The following PPHLN1 variants were observed in gnomAD, a reference collection of about 807,000 sequenced individuals.
PPHLN1 encodes periphilin 1.
Under a neutral mutation model 51.3 loss-of-function variants are expected in PPHLN1, and 29 were observed. That is an observed-to-expected ratio of 0.57 (90% CI 0.42 to 0.77). The LOEUF (loss-of-function observed/expected upper bound fraction) is 0.77. PPHLN1 is among the 30% of genes least tolerant of loss of function. The probability of loss-of-function intolerance (pLI) is 0.00; values close to 1 mark genes in which losing one functional copy is unlikely to be tolerated. For missense variants in PPHLN1, 436 were observed against 438.4 expected (o/e 0.99, Z 0.05); for synonymous variants, 147 against 147.8 (o/e 0.99, Z 0.04).
intron 8 of PPHLN1, among the ~76,000 whole-genome samples, chr12:42,396,731 A>G (rs1426639393): frequency 6.8e-6 from 1 of 147,968 alleles, no homozygotes; most frequent in Non-Finnish European, 1.5e-5. Context: ...TGAAGTTTGC[A>G]GTGAGCTGTG....
downstream of PPHLN1, chr12:42,446,268 T>C: frequency 1.2e-6 from 2 of 1,602,634 alleles, no homozygotes; most frequent in South Asian, 1.1e-5. Context: ...ATGCTCTCTG[T>C]TGTACATTGC....
intron 9 of PPHLN1, among the ~76,000 whole-genome samples, chr12:42,409,282 T>G (rs1311571546): frequency 6.6e-6 from 1 of 152,122 alleles, no homozygotes; most frequent in Non-Finnish European, 1.5e-5. Context: ...CACTTTTATC[T>G]AGTGATTGTT....
chr12:42,402,266 G>C (rs984072087), intron 9 of PPHLN1, among the ~76,000 whole-genome samples: 8 of 152,034 alleles, frequency 5.3e-5, no homozygotes, highest in African/African-American at 1.9e-4. Context: ...TTTTGTTTCT[G>C]TAAAGACAAT....
chr12:42,379,727 A>G (rs879411555), intron 5 of PPHLN1, among the ~76,000 whole-genome samples: 1 of 152,066 alleles, frequency 6.6e-6, no homozygotes, highest in Non-Finnish European at 1.5e-5. Context: ...AAAAAAAACT[A>G]GAAATACTAC....
At chr12:42,357,245 A>AT (rs3084533) in intron 4 of PPHLN1, among the ~76,000 whole-genome samples, 4 of 151,968 alleles carry the variant, frequency 2.6e-5, no homozygotes, top group African/African-American at 7.3e-5. Context: ...AAAGATCAAA[A>AT]TTTTTTTTAT....
At chr12:42,407,781 TTG>T (rs1327289938) in intron 9 of PPHLN1, among the ~76,000 whole-genome samples, 1 of 152,250 alleles carries the variant, frequency 6.6e-6, no homozygotes, top group East Asian at 1.9e-4. Context: ...AAATAATTGT[TTG>T]TAAATAATTG....
intron 7 of PPHLN1, among the ~76,000 whole-genome samples, chr12:42,388,259 A>G (rs1263211877): frequency 1.3e-5 from 2 of 152,146 alleles, no homozygotes; most frequent in African/African-American, 2.4e-5. Flanking sequence ...CCGATTGTAC[A>G]TTTGTTCAGT....
intron 7 of PPHLN1, among the ~76,000 whole-genome samples, chr12:42,393,253 A>T (rs1300374268): frequency 6.6e-6 from 1 of 152,198 alleles, no homozygotes; most frequent in African/African-American, 2.4e-5. Context: ...TGAAATCAGT[A>T]TGATGTCTTT....
intron 9 of PPHLN1, among the ~76,000 whole-genome samples, chr12:42,439,567 T>C (rs2082765795): frequency 6.6e-6 from 1 of 152,216 alleles, no homozygotes; most frequent in Admixed American, 6.5e-5. Context: ...CAGACTGGAG[T>C]GCAGTGGCAC....
chr12:42,400,753 C>G (rs138575485), intron 9 of PPHLN1, among the ~76,000 whole-genome samples: 1 of 150,840 alleles, frequency 6.6e-6, no homozygotes, highest in East Asian at 2.0e-4. Flanking sequence ...GAGAGCGAGA[C>G]CCTGTCTCTC....
At chr12:42,444,894 A>G (rs1263616633), downstream of PPHLN1, 7 of 584,180 alleles carry the variant, frequency 1.2e-5, no homozygotes, top group South Asian at 6.4e-5. Flanking sequence ...AAAAGCGGCT[A>G]TCTGGTGGAA....
At chr12:42,385,024 G>A in intron 6 of PPHLN1, 28 bp downstream of exon 6, 1 of 1,565,948 alleles carries the variant, frequency 6.4e-7, no homozygotes, top group Middle Eastern at 1.7e-4. Context: ...CTCTGATTTG[G>A]GATTGTGAAG....
In PPHLN1 at chr12:42,441,710, G is replaced by T. The variant is rs878868337; in HGVS notation, c.*201G>T. 9 of 1,232,964 alleles carry T rather than the reference G, an allele frequency of 7.3e-6. No homozygotes were observed. In the South Asian group the frequency reaches 2.2e-4, roughly 30 times the overall value. 76.4% of individuals were successfully genotyped at this position (1,232,964 alleles called of 1,614,324 possible). A position where few individuals can be genotyped will look rare whatever the true frequency, so the allele number is the denominator to read the frequency against. On this transcript the variant is annotated 3_prime_UTR_variant, in exon 10 of 10. Transcript: ENST00000358314. ...AAATTTTTGTATTTTTTGTAGAGAT[G>T]GGGTTCACCATGTTGGCCAGGCTAG...
At chr12:42,374,041 A>G (rs1214398180) in intron 4 of PPHLN1, among the ~76,000 whole-genome samples, 3 of 152,156 alleles carry the variant, frequency 2.0e-5, no homozygotes, top group African/African-American at 4.8e-5. Context: ...CCCAGTTATG[A>G]TAATCAAAAA....
chr12:42,364,231 AAATAAT>A (rs371340854), intron 4 of PPHLN1, among the ~76,000 whole-genome samples: 1 of 152,164 alleles, frequency 6.6e-6, no homozygotes, highest in Non-Finnish European at 1.5e-5. Context: ...TCTCAAAATA[AAATAAT>A]AATAGTAATA....
chr12:42,444,871 C>T (rs1388752605), downstream of PPHLN1: 3 of 581,214 alleles, frequency 5.2e-6, no homozygotes, highest in African/African-American at 5.7e-5. Flanking sequence ...ACCGATGGCT[C>T]TCGTAAAAAT....
At chr12:42,433,504 T>A (rs556492688) in intron 9 of PPHLN1, 1 of 239,992 alleles carries the variant, frequency 4.2e-6, no homozygotes, top group Non-Finnish European at 8.2e-6. Flanking sequence ...TTCTATTTTT[T>A]AGTAGAGACG....
At chr12:42,333,994 C>T (rs1428967554) in intron 1 of PPHLN1, among the ~76,000 whole-genome samples, 2 of 152,082 alleles carry the variant, frequency 1.3e-5, no homozygotes, top group African/African-American at 2.4e-5. Flanking sequence ...TGTTTTTCTT[C>T]TGGGTATAGC....
chr12:42,345,188 A>T (rs950313655), intron 2 of PPHLN1, among the ~76,000 whole-genome samples: 1 of 152,136 alleles, frequency 6.6e-6, no homozygotes, highest in Admixed American at 6.5e-5. Context: ...AAAACTAGGT[A>T]TTTTATTCTG....
Sources: gnomAD v4.1 joint callset for allele counts (sites outside exome capture counted in the v4.1 genomes callset) on GRCh38, gnomAD v4.1.1 for gene constraint, MANE v1.5 for transcripts, NCBI Gene and HGNC (gene_info 2026-07-23, HGNC 2026-07-21) for gene names.